The following AMOTL1 variants were observed in gnomAD, a reference collection of about 807,000 sequenced individuals.
AMOTL1 encodes the protein angiomotin-like protein 1.
A neutral mutation model predicts 102.9 loss-of-function variants in AMOTL1; 45 were observed. The observed-to-expected ratio is 0.44, with a 90% confidence interval of 0.34 to 0.56. The LOEUF is 0.56. Ranked by LOEUF, AMOTL1 falls within the 20% of genes least tolerant of loss-of-function variation. AMOTL1 has a pLI of 0.01. For synonymous variants in AMOTL1, 481 were observed against 484.7 expected (o/e 0.99, Z 0.10); for missense variants, 1,114 against 1,225.6 (o/e 0.91, Z 1.36).
At chr11:94,831,021 T>C (rs1416900399) in intron 5 of AMOTL1, among the ~76,000 whole-genome samples, 1 of 152,244 alleles carries the variant, frequency 6.6e-6, no homozygotes, top group Non-Finnish European at 1.5e-5. Context: ...TTTGACTTTT[T>C]TTGGTATTCG....
chr11:94,759,308 AAAT>A (rs1257240994), intron 3 of AMOTL1, among the ~76,000 whole-genome samples: 1 of 152,206 alleles, frequency 6.6e-6, no homozygotes, highest in Non-Finnish European at 1.5e-5. Flanking sequence ...GATTTTTTAA[AAAT>A]ATACACATAG....
chr11:94,779,790 A>G (rs1308328773), intron 1 of AMOTL1, among the ~76,000 whole-genome samples: 1 of 152,180 alleles, frequency 6.6e-6, no homozygotes, highest in Non-Finnish European at 1.5e-5. Context: ...AAAATTATCC[A>G]GTTATCTGTT....
Position 94,875,966 on chromosome 11 carries a change from G to T in AMOTL1, c.*5171G>T, listed in dbSNP as rs1230435082. On this transcript the variant is annotated 3_prime_UTR_variant, in exon 13 of 13. Transcript: ENST00000433060. ...TGTGTTTACTTTAGTGCATGTTATT[G>T]TCATGTTATGATGTGACTGGGGTGT... is the stretch of plus-strand genomic sequence containing the variant. The T allele has an allele frequency of 6.6e-6, 1 of 152,600 alleles. No homozygotes were observed. Among genetic ancestry groups the T allele is most frequent in the Admixed American group, 6.5e-5 (1 of 15,276 alleles). 9.5% of individuals were successfully genotyped at this position (152,600 alleles called of 1,614,324 possible).
chr11:94,869,376 C>T lies in AMOTL1; in HGVS notation c.2667C>T (p.Ser889=), dbSNP rs1393896565. Residue 889 remains serine, a synonymous_variant, in exon 12 of 13, where the codon AGC becomes AGT. Transcript: ENST00000433060. ...TDKSAELFWP[S]MASLPSRGRL... is the part of the protein sequence containing the mutation. ...AGAGTGCCGAGCTCTTCTGGCCCAG[C>T]ATGGCCTCCCTTCCCAGCCGCGGCC... 6 of 1,608,504 alleles carry T rather than the reference C, an allele frequency of 3.7e-6. No individual in the cohort carries two copies. The highest frequency in any genetic ancestry group is 3.3e-5 in the South Asian group (3 of 89,786).
upstream of AMOTL1, among the ~76,000 whole-genome samples, chr11:94,767,736 G>A (rs1026629245): frequency 1.5e-4 from 22 of 144,494 alleles, no homozygotes; most frequent in African/African-American, 4.9e-4. Context: ...TCCCAGAGTC[G>A]CTTACTTTCT....
intron 9 of AMOTL1, among the ~76,000 whole-genome samples, chr11:94,863,593 A>C (rs75680685): frequency 7.1e-6 from 1 of 140,432 alleles, no homozygotes; most frequent in Non-Finnish European, 1.6e-5. Flanking sequence ...ACTCCATCTC[A>C]AAAAAAAAAA....
At chr11:94,707,031 G>A (rs1423795041) in intron 1 of AMOTL1, among the ~76,000 whole-genome samples, 3 of 151,966 alleles carry the variant, frequency 2.0e-5, no homozygotes, top group Non-Finnish European at 4.4e-5. Context: ...TTGCTGTTTC[G>A]CTGGTGTGAA....
At chr11:94,724,047 TA>T (rs1184985611) in intron 1 of AMOTL1, among the ~76,000 whole-genome samples, 1 of 152,146 alleles carries the variant, frequency 6.6e-6, no homozygotes, top group Non-Finnish European at 1.5e-5. Flanking sequence ...TGACATAAAC[TA>T]GACCTAGATC....
chr11:94,755,559 TAC>T (rs1360968393), intron 3 of AMOTL1, among the ~76,000 whole-genome samples: 4 of 152,228 alleles, frequency 2.6e-5, no homozygotes, highest in Non-Finnish European at 4.4e-5. Context: ...TACTGTTTCT[TAC>T]ACACAGTTGT....
chr11:94,736,560 A>T (rs1392010494), intron 2 of AMOTL1, among the ~76,000 whole-genome samples: 4 of 152,144 alleles, frequency 2.6e-5, no homozygotes, highest in African/African-American at 7.2e-5. Flanking sequence ...CCAGAAAATG[A>T]ATATTTATTA....
At chr11:94,725,018 T>C (rs979064107) in intron 1 of AMOTL1, among the ~76,000 whole-genome samples, 2 of 152,174 alleles carry the variant, frequency 1.3e-5, no homozygotes, top group African/African-American at 4.8e-5. Flanking sequence ...AGGGTTTTTC[T>C]GAATTTGTAT....
At chr11:94,854,845 A>G (rs1952627589) in intron 8 of AMOTL1, among the ~76,000 whole-genome samples, 2 of 152,166 alleles carry the variant, frequency 1.3e-5, no homozygotes, top group East Asian at 3.9e-4. Flanking sequence ...AGAGGAAGGG[A>G]TGTAAGACCA....
upstream of AMOTL1, among the ~76,000 whole-genome samples, chr11:94,766,301 G>A (rs1267870458): frequency 1.3e-5 from 2 of 152,126 alleles, no homozygotes; most frequent in African/African-American, 4.8e-5. Context: ...CATGCATTGT[G>A]CTGAGTATTT....
At chr11:94,742,389 A>G (rs943149677) in intron 3 of AMOTL1, among the ~76,000 whole-genome samples, 4 of 152,226 alleles carry the variant, frequency 2.6e-5, no homozygotes, top group Admixed American at 2.0e-4. Context: ...TAAATTGTAC[A>G]TAAACATAAG....
At chr11:94,859,820 G>A in intron 9 of AMOTL1, 105 bp downstream of exon 9, 1 of 1,247,490 alleles carries the variant, frequency 8.0e-7, no homozygotes, top group Non-Finnish European at 1.0e-6. Flanking sequence ...AGGGAGTGAA[G>A]TCAGCTAAAA....
intron 1 of AMOTL1, among the ~76,000 whole-genome samples, chr11:94,706,986 A>G (rs1361288690): frequency 6.6e-6 from 1 of 152,080 alleles, no homozygotes; most frequent in Non-Finnish European, 1.5e-5. Context: ...CTTATAAAAT[A>G]TGTGCAGAAA....
chr11:94,741,128 T>A (rs538931772), intron 3 of AMOTL1: 157 of 659,666 alleles, frequency 2.4e-4, no homozygotes, highest in Non-Finnish European at 3.6e-4. Context: ...GGACACCTGC[T>A]GCCTTCGCGG....
At chr11:94,790,084 C>A (rs796697823) in intron 1 of AMOTL1, among the ~76,000 whole-genome samples, 29 of 152,244 alleles carry the variant, frequency 1.9e-4, no homozygotes, top group African/African-American at 6.7e-4. Context: ...CTGAAAGGTA[C>A]AAGGAATTAT....
At chr11:94,789,886 G>A (rs1951253812) in intron 1 of AMOTL1, among the ~76,000 whole-genome samples, 2 of 152,206 alleles carry the variant, frequency 1.3e-5, no homozygotes, top group South Asian at 2.1e-4. Flanking sequence ...CAGTGAAATT[G>A]TTTTTAAATC....
Sources: gnomAD v4.1 joint callset for allele counts (sites outside exome capture counted in the v4.1 genomes callset) on GRCh38, gnomAD v4.1.1 for gene constraint, MANE v1.5 for transcripts, NCBI Gene and HGNC (gene_info 2026-07-23, HGNC 2026-07-21) for gene names.